Variants in SNX29 observed in about 807,000 individuals in gnomAD.
SNX29 encodes sorting nexin-29.
SNX29 carries 78 observed loss-of-function variants against 102.1 expected under a neutral mutation model. The ratio of observed to expected loss-of-function variants is 0.76; its 90% CI spans 0.64 to 0.92. SNX29 has a LOEUF of 0.92. Ranked by LOEUF, SNX29 falls within the 40% of genes least tolerant of loss-of-function variation. The probability of loss-of-function intolerance (pLI) is 0.00; values close to 1 mark genes in which losing one functional copy is unlikely to be tolerated. For missense variants in SNX29, 1,280 were observed against 1,061.7 expected (o/e 1.21, Z -2.86); for synonymous variants, 580 against 414.5 (o/e 1.40, Z -4.85).
At chr16:11,992,781 A>G (rs2055904026) in intron 1 of SNX29, among the ~76,000 whole-genome samples, 1 of 152,200 alleles carries the variant, frequency 6.6e-6, no homozygotes, top group African/African-American at 2.4e-5. Context: ...GTACCTGCTT[A>G]ATGTGTTACA....
intron 14 of SNX29, among the ~76,000 whole-genome samples, chr16:12,247,465 T>C (rs1029713145): frequency 6.6e-6 from 1 of 152,212 alleles, no homozygotes; most frequent in Non-Finnish European, 1.5e-5. Context: ...ACCTTCCGAC[T>C]TACAGCAGCT....
intron 15 of SNX29, among the ~76,000 whole-genome samples, chr16:12,351,594 G>T (rs914793951): frequency 6.6e-6 from 1 of 151,804 alleles, no homozygotes; most frequent in South Asian, 2.1e-4. Flanking sequence ...TGAAAAATTT[G>T]TAATCCTTTT....
In SNX29 at chr16:12,133,347, G is replaced by T. The variant is rs939663139; in HGVS notation, c.1595+3589G>T. ...ACTCTGTCACCCAGGCTGGAGTGCA[G>T]TGATGCGATCTCAGCTCACTGCATC... On this transcript the variant is annotated intron_variant, in intron 13 of 20. Transcript: ENST00000566228. Among the ~76,000 whole-genome samples the T allele has an allele frequency of 3.0e-5, 4 of 131,478 alleles. No individual in the cohort carries two copies. The East Asian group carries it at 7.3e-4, about 24-fold the overall frequency. The allele number at this position is 131,478 out of a possible 152,430, so 86.3% of individuals were successfully genotyped here.
chr16:12,211,256 CAT>C (rs1190674297), intron 14 of SNX29, among the ~76,000 whole-genome samples: 3 of 152,192 alleles, frequency 2.0e-5, no homozygotes, highest in Non-Finnish European at 2.9e-5. Context: ...GGACACTAAA[CAT>C]ATAAGCAAGC....
chr16:12,246,512 A>C (rs8061651), intron 14 of SNX29, among the ~76,000 whole-genome samples: 1 of 151,938 alleles, frequency 6.6e-6, no homozygotes, highest in African/African-American at 2.4e-5. Context: ...GTAGTGGCAC[A>C]CTCCTGTAAT....
intron 19 of SNX29, among the ~76,000 whole-genome samples, chr16:12,494,839 G>A (rs1285680364): frequency 7.2e-5 from 11 of 152,194 alleles, no homozygotes; most frequent in Admixed American, 5.2e-4. Context: ...GAGCTGGGCC[G>A]CCTTTTTCCT....
chr16:12,503,811 C>G (rs1278483950), intron 19 of SNX29, among the ~76,000 whole-genome samples: 1 of 152,172 alleles, frequency 6.6e-6, no homozygotes, highest in Non-Finnish European at 1.5e-5. Context: ...CTTCTCCTTT[C>G]TAATAGTCCC....
intron 15 of SNX29, among the ~76,000 whole-genome samples, chr16:12,290,956 C>T (rs2079772012): frequency 6.6e-6 from 1 of 152,142 alleles, no homozygotes; most frequent in Admixed American, 6.5e-5. Flanking sequence ...CCACTATAGA[C>T]TTTTTAAGAG....
At chr16:12,181,095 C>T (rs2076374360) in intron 13 of SNX29, among the ~76,000 whole-genome samples, 1 of 152,240 alleles carries the variant, frequency 6.6e-6, no homozygotes, top group Non-Finnish European at 1.5e-5. Context: ...TACCGTGGAT[C>T]TCCTTGCGCT....
rs905934346 is a variant in SNX29, at chr16:12,570,989, C to A, written c.*2360C>A. ...CTGCTCCTGGTACCTCCCCCATGAT[C>A]ATGCACAGACCGTAGAGTCGAGTCA... is the stretch of plus-strand genomic sequence containing the variant. On this transcript the variant is annotated 3_prime_UTR_variant, in exon 21 of 21. Coordinates refer to ENST00000566228, the MANE Select transcript of SNX29 (RefSeq NM_032167.5). 4 of 232,506 alleles carry A rather than the reference C, an allele frequency of 1.7e-5. No individual in the cohort carries two copies. The highest frequency in any genetic ancestry group is 3.4e-5 in the Non-Finnish European group (4 of 117,610). The allele number at this position is 232,506 out of a possible 1,614,324, so 14.4% of individuals were successfully genotyped here. A position where few individuals can be genotyped will look rare whatever the true frequency, so the allele number is the denominator to read the frequency against.
chr16:12,335,497 C>T (rs1207252827), intron 15 of SNX29, among the ~76,000 whole-genome samples: 1 of 151,962 alleles, frequency 6.6e-6, no homozygotes, highest in Non-Finnish European at 1.5e-5. Context: ...AGGACCCCTC[C>T]CACCCCATCT....
intron 16 of SNX29, among the ~76,000 whole-genome samples, chr16:12,376,695 C>T (rs1312777949): frequency 6.9e-6 from 1 of 145,510 alleles, no homozygotes; most frequent in East Asian, 2.0e-4. Context: ...CGAGATCGCA[C>T]CACTGCACTC....
chr16:12,177,452 C>A (rs2076285658), intron 13 of SNX29, among the ~76,000 whole-genome samples: 1 of 152,228 alleles, frequency 6.6e-6, no homozygotes, highest in East Asian at 1.9e-4. Flanking sequence ...TCCTCATGAC[C>A]CTCCTGTGGT....
At chr16:12,535,079 G>C (rs774571427) in intron 20 of SNX29, among the ~76,000 whole-genome samples, 23 of 152,210 alleles carry the variant, frequency 1.5e-4, no homozygotes, top group Non-Finnish European at 2.9e-4. Context: ...TCAAGAAAAA[G>C]AGAGAGGGAG....
chr16:12,204,938 C>T (rs1330359435), intron 14 of SNX29, among the ~76,000 whole-genome samples: 1 of 152,138 alleles, frequency 6.6e-6, no homozygotes, highest in Non-Finnish European at 1.5e-5. Flanking sequence ...CAGCTCCACA[C>T]CCATGTGCGC....
rs1299047846 is a variant in SNX29, at chr16:12,236,519, C to G, written c.1678+36836C>G. The stretch of plus-strand genomic sequence containing the variant: ...CCACTACGTCTTCTCTGTTGCATGA[C>G]TTTCCGCATCCCTGAAGACTTAGTT... On this transcript the variant is annotated intron_variant, in intron 14 of 20. Transcript: ENST00000566228. Among the ~76,000 whole-genome samples, 3 of 152,240 alleles carry G rather than the reference C, an allele frequency of 2.0e-5. No homozygotes were observed. The East Asian group carries it at 5.8e-4, about 29-fold the overall frequency.
intron 16 of SNX29, chr16:12,375,967 A>C (rs2082857692): frequency 7.8e-6 from 1 of 127,958 alleles, no homozygotes; most frequent in Admixed American, 1.0e-4. Context: ...CGGGAGGCGG[A>C]GGTTGCAGTG....
At chr16:12,540,268 G>A (rs1006055996) in intron 20 of SNX29, among the ~76,000 whole-genome samples, 7 of 152,148 alleles carry the variant, frequency 4.6e-5, no homozygotes, top group East Asian at 1.9e-4. Flanking sequence ...AAGGTCAAGT[G>A]GAGGGAGGAC....
intron 20 of SNX29, among the ~76,000 whole-genome samples, chr16:12,537,447 T>G (rs1385518121): frequency 6.6e-6 from 1 of 152,084 alleles, no homozygotes; most frequent in Admixed American, 6.6e-5. Flanking sequence ...CCTTGTGAAC[T>G]TCACCTCTGC....
Sources: gnomAD v4.1 joint callset for allele counts (sites outside exome capture counted in the v4.1 genomes callset) on GRCh38, gnomAD v4.1.1 for gene constraint, MANE v1.5 for transcripts, NCBI Gene and HGNC (gene_info 2026-07-23, HGNC 2026-07-21) for gene names.